The following DDX50 variants were observed in gnomAD, a reference collection of about 807,000 sequenced individuals.
DDX50 encodes DExD-box helicase 50.
Under a neutral mutation model 94.8 loss-of-function variants are expected in DDX50, and 56 were observed. The observed-to-expected ratio is 0.59, with a 90% CI of 0.48 to 0.74. The LOEUF is 0.74. Among genes scored for constraint, DDX50 ranks in the 30% least tolerant of loss-of-function variants. DDX50 has a pLI of 0.00. For missense variants in DDX50, 713 were observed against 881.2 expected, an observed-to-expected ratio of 0.81 and a Z score of 2.42; for synonymous variants, 264 against 295.4, an observed-to-expected ratio of 0.89 and a Z score of 1.09.
At chr10:68,926,228 A>G (rs1045497895) in intron 8 of DDX50, among the ~76,000 whole-genome samples, 1 of 144,500 alleles carries the variant, frequency 6.9e-6, no homozygotes, top group South Asian at 2.2e-4. Context: ...TTATAAACAG[A>G]TAGATGGTAA....
chr10:68,931,481 C>T (rs950229062), intron 8 of DDX50, among the ~76,000 whole-genome samples: 17 of 143,916 alleles, frequency 1.2e-4, no homozygotes, highest in Non-Finnish European at 1.6e-4. Flanking sequence ...TGCTCTGTTG[C>T]CCAGGCTGGA....
chr10:68,912,278 C>G (rs1393863498), intron 4 of DDX50, among the ~76,000 whole-genome samples: 1 of 151,938 alleles, frequency 6.6e-6, no homozygotes, highest in East Asian at 1.9e-4. Context: ...GTGGGGTGAT[C>G]ATGGCTCATT....
chr10:68,929,812 C>T (rs1184582365), intron 8 of DDX50, among the ~76,000 whole-genome samples: 4 of 150,564 alleles, frequency 2.7e-5, no homozygotes, highest in Admixed American at 6.6e-5. Context: ...CTGAAACCTC[C>T]GTCCTCTGCC....
At chr10:68,945,321 T>TC (rs1046334238) in intron 14 of DDX50, among the ~76,000 whole-genome samples, 1 of 147,120 alleles carries the variant, frequency 6.8e-6, no homozygotes, top group African/African-American at 2.5e-5. Context: ...TTTTTTTTTT[T>TC]CTTTGAGACA....
At chr10:68,917,387 A>C (rs1358793416) in intron 7 of DDX50, among the ~76,000 whole-genome samples, 1 of 152,098 alleles carries the variant, frequency 6.6e-6, no homozygotes. Flanking sequence ...TTGAACCAGG[A>C]GGCGGAGGTT....
At chr10:68,929,332 T>C (rs12782137) in intron 8 of DDX50, among the ~76,000 whole-genome samples, 14,742 of 143,790 alleles carry the variant, frequency 0.1, 2,090 homozygotes, top group African/African-American at 0.32. Context: ...TCTTTCTTTC[T>C]TTCCTTCCTT....
At chr10:68,936,283 T>C (rs7084742) in intron 11 of DDX50, among the ~76,000 whole-genome samples, 22,090 of 150,256 alleles carry the variant, frequency 0.15, 3,208 homozygotes, top group African/African-American at 0.38. Flanking sequence ...GTCAGGAGAT[T>C]GAGACCATCC....
chr10:68,940,236 C>T (rs568755220), intron 12 of DDX50, among the ~76,000 whole-genome samples: 4 of 151,820 alleles, frequency 2.6e-5, no homozygotes, highest in African/African-American at 7.2e-5. Context: ...AAAATTAGCA[C>T]GGCATGGTGG....
chr10:68,904,144 C>CA (rs34351981), intron 1 of DDX50, among the ~76,000 whole-genome samples: 8,807 of 108,258 alleles, frequency 0.081, 463 homozygotes, highest in African/African-American at 0.18. Context: ...AACTCCGTCT[C>CA]AAAAAAAAAA....
In DDX50 at chr10:68,913,533, C is replaced by T. The variant is rs79914407; in HGVS notation, c.900C>T (p.Phe300=). The T allele has an allele frequency of 2.2e-4, 359 of 1,613,682 alleles. 1 individual carries two copies. The East Asian group carries it at 5.4e-3, about 24-fold the overall frequency. Residue 300 remains phenylalanine, a synonymous_variant, in exon 6 of 15, where the codon TTC becomes TTT. Coordinates refer to ENST00000373585, the MANE Select transcript of DDX50 (RefSeq NM_024045.2). The part of the protein sequence containing the change: ...DEVDQMLDLG[F]AEQVEDIIHE... ...TGGATCAGATGTTAGATTTAGGTTTCGCTGAACAAGTTGAAGATATTATTC... is the reference window on the plus strand; with the variant it reads ...TGGATCAGATGTTAGATTTAGGTTTTGCTGAACAAGTTGAAGATATTATTC...
intron 8 of DDX50, among the ~76,000 whole-genome samples, chr10:68,924,084 A>C (rs1000712071): frequency 6.6e-6 from 1 of 150,616 alleles, no homozygotes; most frequent in African/African-American, 2.4e-5. Flanking sequence ...ACAGTACTAC[A>C]GTAGCTGGGA....
In DDX50 at chr10:68,941,172, T is replaced by TG. The variant is rs1406715206; in HGVS notation, c.1869dup (p.Cys624ValfsTer12). On this transcript the variant is annotated frameshift_variant, in exon 13 of 15. Transcript: ENST00000373585. LOFTEE classifies it high-confidence loss of function. ...AATGCAGTGTCTCAGATTACCAGAA[T>TG]GTGCCTCCTGAAAGGAAATATGGTA... 6.2e-7 allele frequency: 1 copy of TG among 1,612,904 alleles called. No homozygotes were observed. The highest frequency in any genetic ancestry group is 8.5e-7 in the Non-Finnish European group (1 of 1,179,734).
intron 8 of DDX50, among the ~76,000 whole-genome samples, chr10:68,928,543 T>C (rs924644178): frequency 6.6e-6 from 1 of 152,180 alleles, no homozygotes; most frequent in African/African-American, 2.4e-5. Flanking sequence ...TAAAGCATTT[T>C]GCGTAGTGCA....
In DDX50 at chr10:68,913,223, T is replaced by G. The variant is rs1278769668; in HGVS notation, c.701T>G (p.Ile234Arg). Residue 234 changes from isoleucine to arginine, a missense_variant, in exon 5 of 15, where the codon ATA (isoleucine) becomes AGA (arginine). By Grantham distance (97) the Ile-to-Arg change is moderately conservative. Around this residue, in one of 2 missense-constraint regions of DDX50, gnomAD observed 285 missense variants for 278.9 expected, o/e 1.02. Coordinates refer to ENST00000373585, the MANE Select transcript of DDX50 (RefSeq NM_024045.2). ...CAAGTAGCCAAAGACTTCAAAGATA[T>G]AACTAGGAAACTCAGCGTGGCGTGT... Reference protein sequence around the residue: ...ANQVAKDFKDITRKLSVACFY... With the variant: ...ANQVAKDFKDRTRKLSVACFY... The G allele has an allele frequency of 6.2e-7, 1 of 1,613,418 alleles. No individual in the cohort carries two copies. The highest frequency in any genetic ancestry group is 8.5e-7 in the Non-Finnish European group (1 of 1,179,916).
At chr10:68,928,325 T>C (rs1381157949) in intron 8 of DDX50, among the ~76,000 whole-genome samples, 2 of 151,934 alleles carry the variant, frequency 1.3e-5, no homozygotes, top group African/African-American at 4.8e-5. Flanking sequence ...CCATAATAAA[T>C]AAATAAAATT....
rs746322294 is a variant in DDX50, at chr10:68,936,118, T to C, written c.1595+39T>C. 16 of 1,515,438 alleles carry C rather than the reference T, an allele frequency of 1.1e-5. No homozygotes were observed. The African/African-American group carries it at 2.1e-4, about 20-fold the overall frequency. The allele number at this position is 1,515,438 out of a possible 1,614,324, so 93.9% of individuals were successfully genotyped here. On this transcript the variant is annotated intron_variant, in intron 11 of 14. Coordinates refer to ENST00000373585, the MANE Select transcript of DDX50 (RefSeq NM_024045.2). The stretch of plus-strand genomic sequence containing the variant: ...ACTTGCTGAATAATTGTTTCTTTTG[T>C]ATTAGGCTATTCATCTGTAAGCTCT...
chr10:68,926,363 G>A (rs78475561), intron 8 of DDX50, among the ~76,000 whole-genome samples: 7,855 of 150,848 alleles, frequency 0.052, 272 homozygotes, highest in Middle Eastern at 0.1. Flanking sequence ...TACAAAGGCT[G>A]GGGGAGAATT....
chr10:68,901,345 T>G lies in DDX50; in HGVS notation c.-40T>G. ...CACGCTGTCGCTGCCCGTAGGTGGT[T>G]GTGGCCACTGTGCCCGGAGGGAGGC... On this transcript the variant is annotated 5_prime_UTR_variant, in exon 1 of 15. Transcript: ENST00000373585. 6.6e-7 allele frequency: 1 copy of G among 1,512,252 alleles called. No individual in the cohort carries two copies. The highest frequency in any genetic ancestry group is 8.9e-7 in the Non-Finnish European group (1 of 1,125,680). The allele number at this position is 1,512,252 out of a possible 1,614,324, so 93.7% of individuals were successfully genotyped here.
intron 1 of DDX50, among the ~76,000 whole-genome samples, chr10:68,903,265 C>T (rs1053339942): frequency 6.6e-6 from 1 of 152,164 alleles, no homozygotes; most frequent in Non-Finnish European, 1.5e-5. Flanking sequence ...GGTGCGGTGG[C>T]TCATGCCTGT....
Sources: gnomAD v4.1 joint callset for allele counts (sites outside exome capture counted in the v4.1 genomes callset) on GRCh38, gnomAD v4.1.1 for gene constraint, gnomAD v4.1.1 regional missense constraint, MANE v1.5 for transcripts, NCBI Gene and HGNC (gene_info 2026-07-23, HGNC 2026-07-21) for gene names.